The following PRKG1 variants were observed in gnomAD, a reference collection of about 807,000 sequenced individuals.
The protein encoded by PRKG1 is cGMP-dependent protein kinase 1.
In PRKG1, 35 loss-of-function variants were observed where a neutral mutation model predicts 88.1. The ratio of observed to expected loss-of-function variants is 0.40; its 90% confidence interval spans 0.30 to 0.53. The LOEUF (loss-of-function observed/expected upper bound fraction) is 0.53, where lower values mean the gene tolerates loss of function less well. Ranked by LOEUF, PRKG1 falls within the 20% of genes least tolerant of loss-of-function variation. The probability of loss-of-function intolerance (pLI) is 0.59; values close to 1 mark genes in which losing one functional copy is unlikely to be tolerated. For missense variants in PRKG1, 540 were observed against 839.8 expected, an observed-to-expected ratio of 0.64 and a Z score of 4.41; for synonymous variants, 303 against 292.5, an observed-to-expected ratio of 1.04 and a Z score of -0.37.
At chr10:51,095,838 T>A (rs1844515276) in intron 1 of PRKG1, among the ~76,000 whole-genome samples, 1 of 152,184 alleles carries the variant, frequency 6.6e-6, no homozygotes, top group South Asian at 2.1e-4. Flanking sequence ...ACATTTAAGG[T>A]AGAAATAGTA....
Position 51,902,304 on chromosome 10 carries a change from C to T in PRKG1, c.699-5203C>T, listed in dbSNP as rs1303236835. On this transcript the variant is annotated intron_variant, in intron 4 of 17. Coordinates refer to ENST00000373980, the MANE Select transcript of PRKG1 (RefSeq NM_006258.4). ...GCTAATTTTGTATTTTTAGTAGAAA[C>T]GGAGTTTCTCCATGTTGGTCAGGCT... Among the ~76,000 whole-genome samples, 5 of 151,802 alleles carry T rather than the reference C, an allele frequency of 3.3e-5. No individual in the cohort carries two copies. In the East Asian group the frequency reaches 9.7e-4, roughly 30 times the overall value.
chr10:51,224,694 G>A (rs898923799), intron 2 of PRKG1, among the ~76,000 whole-genome samples: 6 of 152,092 alleles, frequency 3.9e-5, no homozygotes, highest in Non-Finnish European at 7.3e-5. Context: ...CTATATTTCT[G>A]TAAACTGGAT....
At chr10:51,828,594 T>C (rs986889921) in intron 4 of PRKG1, among the ~76,000 whole-genome samples, 3 of 152,188 alleles carry the variant, frequency 2.0e-5, no homozygotes, top group Non-Finnish European at 4.4e-5. Context: ...TGTAAAACAA[T>C]GTGAATTACA....
At chr10:51,710,739 C>T (rs1240499033) in intron 3 of PRKG1, among the ~76,000 whole-genome samples, 1 of 152,146 alleles carries the variant, frequency 6.6e-6, no homozygotes, top group Non-Finnish European at 1.5e-5. Context: ...GCAAATGATG[C>T]TATCAGTTTC....
At chr10:51,305,789 A>G (rs1841020371) in intron 2 of PRKG1, among the ~76,000 whole-genome samples, 1 of 152,212 alleles carries the variant, frequency 6.6e-6, no homozygotes, top group South Asian at 2.1e-4. Flanking sequence ...GGATAAAAAT[A>G]TCATTTTCTT....
At chr10:51,335,501 A>G (rs989686449) in intron 2 of PRKG1, among the ~76,000 whole-genome samples, 1 of 152,136 alleles carries the variant, frequency 6.6e-6, no homozygotes, top group Admixed American at 6.5e-5. Context: ...AGAATTTAAT[A>G]TAATTTAGGT....
intron 2 of PRKG1, among the ~76,000 whole-genome samples, chr10:51,258,497 T>A (rs1839622561): frequency 6.6e-6 from 1 of 152,082 alleles, no homozygotes; most frequent in Non-Finnish European, 1.5e-5. Flanking sequence ...TTTTAAGGCC[T>A]ACCCAGTCAT....
At chr10:52,039,095 G>A (rs1428281683) in intron 5 of PRKG1, among the ~76,000 whole-genome samples, 2 of 152,158 alleles carry the variant, frequency 1.3e-5, no homozygotes, top group Non-Finnish European at 2.9e-5. Context: ...CCCCCGATCC[G>A]AGTCACGGCA....
intron 2 of PRKG1, among the ~76,000 whole-genome samples, chr10:51,259,307 G>A (rs1307939449): frequency 6.6e-6 from 1 of 152,088 alleles, no homozygotes; most frequent in East Asian, 1.9e-4. Flanking sequence ...GATATCTCAA[G>A]GATGTATTTT....
At chr10:51,398,065 C>G (rs1179485267) in intron 2 of PRKG1, among the ~76,000 whole-genome samples, 2 of 152,180 alleles carry the variant, frequency 1.3e-5, no homozygotes, top group African/African-American at 4.8e-5. Flanking sequence ...TCATATCCCT[C>G]TAGTTCATTT....
At chr10:51,683,805 G>A (rs955043529) in intron 3 of PRKG1, among the ~76,000 whole-genome samples, 5 of 152,122 alleles carry the variant, frequency 3.3e-5, no homozygotes, top group Non-Finnish European at 5.9e-5. Context: ...CTTCATCTGG[G>A]CATGCTCAAC....
chr10:52,107,318 G>A (rs1462629981), intron 7 of PRKG1, among the ~76,000 whole-genome samples: 3 of 152,146 alleles, frequency 2.0e-5, no homozygotes, highest in Non-Finnish European at 4.4e-5. Context: ...TAAAACATGG[G>A]AAAAGATTGT....
chr10:51,113,147 G>A (rs1246188024), intron 1 of PRKG1, among the ~76,000 whole-genome samples: 3 of 152,154 alleles, frequency 2.0e-5, no homozygotes, highest in Non-Finnish European at 4.4e-5. Context: ...GCAATGTGCT[G>A]GAAAAAGCAT....
intron 7 of PRKG1, among the ~76,000 whole-genome samples, chr10:52,098,674 T>C (rs1030001035): frequency 2.0e-5 from 3 of 152,142 alleles, no homozygotes; most frequent in African/African-American, 7.2e-5. Flanking sequence ...GCTTTGAAAG[T>C]GTCAAAAGTA....
intron 2 of PRKG1, among the ~76,000 whole-genome samples, chr10:51,453,763 A>G (rs184178736): frequency 4.7e-4 from 71 of 152,158 alleles, no homozygotes; most frequent in African/African-American, 1.7e-3. Flanking sequence ...CAGATAAGAG[A>G]AAGAAATAAA....
At chr10:51,097,424 T>C (rs1346868948) in intron 1 of PRKG1, among the ~76,000 whole-genome samples, 2 of 152,072 alleles carry the variant, frequency 1.3e-5, no homozygotes. Context: ...GGTTTTGCCA[T>C]GTTGCCAAGG....
intron 1 of PRKG1, among the ~76,000 whole-genome samples, chr10:51,129,178 T>C (rs1845503645): frequency 6.6e-6 from 1 of 152,138 alleles, no homozygotes; most frequent in Non-Finnish European, 1.5e-5. Flanking sequence ...GAAAACACAA[T>C]AGAAGACATA....
intron 1 of PRKG1, among the ~76,000 whole-genome samples, chr10:51,093,011 A>G (rs1384516951): frequency 6.6e-6 from 1 of 152,162 alleles, no homozygotes; most frequent in Non-Finnish European, 1.5e-5. Context: ...ATGTGATGCA[A>G]CAGGATTTTC....
At chr10:51,092,138 A>G (rs1199571897) in intron 1 of PRKG1, among the ~76,000 whole-genome samples, 4 of 152,212 alleles carry the variant, frequency 2.6e-5, no homozygotes, top group Non-Finnish European at 4.4e-5. Flanking sequence ...AGGTGAATAT[A>G]GAATTGATCA....
Sources: allele counts gnomAD v4.1 joint callset (sites outside exome capture counted in the v4.1 genomes callset), GRCh38; gene constraint gnomAD v4.1.1; transcripts MANE v1.5; gene names NCBI Gene and HGNC (gene_info 2026-07-23, HGNC 2026-07-21).